The following TMEM108 variants were observed in gnomAD, a reference collection of about 807,000 sequenced individuals.
TMEM108 encodes cancer/testis antigen 124.
Under a neutral mutation model 35.1 loss-of-function variants are expected in TMEM108, and 12 were observed. The observed-to-expected ratio is 0.34, with a 90% confidence interval of 0.22 to 0.55. TMEM108 has a LOEUF of 0.55. Ranked by LOEUF, TMEM108 falls within the 20% of genes least tolerant of loss-of-function variation. The pLI, the probability that TMEM108 is intolerant of heterozygous loss-of-function variation, is 0.89. For synonymous variants in TMEM108, 287 were observed against 308.6 expected (o/e 0.93, Z 0.73); for missense variants, 680 against 753.3 (o/e 0.90, Z 1.14).
At chr3:133,214,667 A>G (rs182292936) in intron 2 of TMEM108, among the ~76,000 whole-genome samples, 4 of 152,222 alleles carry the variant, frequency 2.6e-5, no homozygotes, top group Admixed American at 1.3e-4. Context: ...ACGTTATATA[A>G]CCGGCATCCC....
intron 2 of TMEM108, among the ~76,000 whole-genome samples, chr3:133,078,269 T>C (rs1053660811): frequency 6.6e-6 from 1 of 152,118 alleles, no homozygotes; most frequent in African/African-American, 2.4e-5. Context: ...TATACCTCCC[T>C]ATTCTTCTCA....
At chr3:133,307,673 G>T (rs533825113) in intron 3 of TMEM108, among the ~76,000 whole-genome samples, 1 of 152,280 alleles carries the variant, frequency 6.6e-6, no homozygotes, top group South Asian at 2.1e-4. Flanking sequence ...TCAAAGATCA[G>T]ATGGTTGTAG....
At chr3:133,244,726 A>G (rs1431630756) in intron 3 of TMEM108, among the ~76,000 whole-genome samples, 1 of 152,254 alleles carries the variant, frequency 6.6e-6, no homozygotes, top group Admixed American at 6.5e-5. Flanking sequence ...CCCGAAGTTC[A>G]AGGAATACTT....
At chr3:133,395,232 G>T (rs1037808166) in intron 5 of TMEM108, among the ~76,000 whole-genome samples, 2 of 152,198 alleles carry the variant, frequency 1.3e-5, no homozygotes, top group Non-Finnish European at 2.9e-5. Context: ...ACACAGAGAT[G>T]CAGATCCATT....
intron 2 of TMEM108, among the ~76,000 whole-genome samples, chr3:133,108,076 C>T (rs1944178099): frequency 6.6e-6 from 1 of 152,068 alleles, no homozygotes; most frequent in African/African-American, 2.4e-5. Context: ...ACTAAAAATA[C>T]AAAAGTTAGC....
At chr3:133,122,108 G>A (rs1240092357) in intron 2 of TMEM108, among the ~76,000 whole-genome samples, 2 of 151,716 alleles carry the variant, frequency 1.3e-5, no homozygotes, top group Non-Finnish European at 2.9e-5. Flanking sequence ...GTATATGTAC[G>A]GTGCTTCTGG....
At chr3:133,183,691 A>G (rs1945379870) in intron 2 of TMEM108, among the ~76,000 whole-genome samples, 1 of 152,120 alleles carries the variant, frequency 6.6e-6, no homozygotes, top group African/African-American at 2.4e-5. Context: ...ACAAGATTCT[A>G]CCCTACATTC....
intron 2 of TMEM108, among the ~76,000 whole-genome samples, chr3:133,193,589 G>A (rs1454138683): frequency 6.6e-6 from 1 of 152,028 alleles, no homozygotes; most frequent in Non-Finnish European, 1.5e-5. Flanking sequence ...ATTTTATGAG[G>A]CCTATGTGAA....
intron 2 of TMEM108, among the ~76,000 whole-genome samples, chr3:133,202,757 G>A (rs1340128082): frequency 6.6e-6 from 1 of 152,132 alleles, no homozygotes; most frequent in Non-Finnish European, 1.5e-5. Flanking sequence ...TTTTGCTTAG[G>A]ATTGTCTTGG....
intron 3 of TMEM108, among the ~76,000 whole-genome samples, chr3:133,368,631 T>TCA (rs147366132): frequency 0.096 from 14,473 of 150,734 alleles, 1,101 homozygotes; most frequent in East Asian, 0.35. Flanking sequence ...ATACATGCAC[T>TCA]CACACACACA....
intron 1 of TMEM108, among the ~76,000 whole-genome samples, chr3:133,042,175 T>A (rs1677353712): frequency 6.6e-6 from 1 of 152,172 alleles, no homozygotes. Context: ...ATGGGAAGGT[T>A]ATAGTGTATA....
At chr3:133,373,726 C>A (rs2072749762) in intron 3 of TMEM108, among the ~76,000 whole-genome samples, 1 of 152,200 alleles carries the variant, frequency 6.6e-6, no homozygotes, top group South Asian at 2.1e-4. Flanking sequence ...ACTTAGTGTG[C>A]TTAGATGCTC....
intron 2 of TMEM108, among the ~76,000 whole-genome samples, chr3:133,061,226 T>TTG (rs1463750776): frequency 6.6e-6 from 1 of 150,790 alleles, no homozygotes; most frequent in Non-Finnish European, 1.5e-5. Context: ...TTTTTTTTTT[T>TTG]TTTGAGACAG....
intron 3 of TMEM108, among the ~76,000 whole-genome samples, chr3:133,364,785 C>A (rs1286437608): frequency 8.5e-5 from 13 of 152,106 alleles, no homozygotes; most frequent in African/African-American, 3.1e-4. Context: ...AGACCTGGTT[C>A]CCAGGAAGCA....
At position 133,282,501 on chromosome 3, in the gene TMEM108, C is replaced by T. The variant is rs145747088; in HGVS notation, c.40+53150C>T. Among the ~76,000 whole-genome samples the T allele has an allele frequency of 4.8e-4, 73 of 152,284 alleles. 1 individual carries two copies. The highest frequency in any genetic ancestry group is 1.6e-3 in the African/African-American group (65 of 41,556). On this transcript the variant is annotated intron_variant, in intron 3 of 5. Coordinates refer to ENST00000321871, the MANE Select transcript of TMEM108 (RefSeq NM_023943.4). ...AGTCATCTTGTTTCTTACATCTTTG[C>T]GTAAACTCTTCATCTCTGGTGGGCT...
At chr3:133,322,060 G>A (rs1301596502) in intron 3 of TMEM108, among the ~76,000 whole-genome samples, 1 of 152,124 alleles carries the variant, frequency 6.6e-6, no homozygotes, top group Non-Finnish European at 1.5e-5. Context: ...AGCATTAAAT[G>A]CCTACATCAA....
At chr3:133,321,370 T>G (rs767194797) in intron 3 of TMEM108, among the ~76,000 whole-genome samples, 19 of 152,236 alleles carry the variant, frequency 1.2e-4, no homozygotes, top group South Asian at 6.2e-4. Context: ...GTAGCGATTC[T>G]TATATCAGAC....
intron 3 of TMEM108, among the ~76,000 whole-genome samples, chr3:133,231,451 C>A (rs761192536): frequency 2.0e-5 from 3 of 152,110 alleles, no homozygotes; most frequent in Non-Finnish European, 4.4e-5. Context: ...GCTGAGGGCT[C>A]CCTGAGGTCA....
intron 3 of TMEM108, among the ~76,000 whole-genome samples, chr3:133,249,492 A>G (rs759344906): frequency 2.6e-5 from 4 of 152,110 alleles, no homozygotes; most frequent in Non-Finnish European, 4.4e-5. Flanking sequence ...TCCAGTGTCT[A>G]TTGTTGCCAT....
Sources: allele counts gnomAD v4.1 joint callset (sites outside exome capture counted in the v4.1 genomes callset), GRCh38; gene constraint gnomAD v4.1.1; transcripts MANE v1.5; gene names NCBI Gene and HGNC (gene_info 2026-07-23, HGNC 2026-07-21).